The following ZFYVE28 variants were observed in gnomAD, a reference collection of about 807,000 sequenced individuals.
ZFYVE28 encodes the protein lateral signaling target protein 2 homolog.
ZFYVE28 carries 40 observed loss-of-function variants against 82.1 expected under a neutral mutation model. That is an observed-to-expected ratio of 0.49 (90% CI 0.38 to 0.63). The LOEUF (loss-of-function observed/expected upper bound fraction) is 0.63, where lower values mean the gene tolerates loss of function less well. ZFYVE28 is among the 30% of genes least tolerant of loss of function. The pLI is 0.00. For missense variants in ZFYVE28, 1,321 were observed against 1,242.1 expected (o/e 1.06, Z -0.96); for synonymous variants, 612 against 546.1 (o/e 1.12, Z -1.68).
chr4:2,273,186 T>C lies in ZFYVE28; in HGVS notation c.2310A>G (p.Glu770=), dbSNP rs745615883. 2 of 1,613,670 alleles carry C rather than the reference T, an allele frequency of 1.2e-6. No individual in the cohort carries two copies. The highest frequency in any genetic ancestry group is 1.1e-5 in the South Asian group (1 of 91,052). ...MATKPETDDK[E]KLRKVTQTLR... Reference sequence around the variant, plus strand: ...GTGGGCACTCACCCTTCCTTAACTTTTCCTTGTCGTCTGTTTCAGGCTTGG... The same window carrying C: ...GTGGGCACTCACCCTTCCTTAACTTCTCCTTGTCGTCTGTTTCAGGCTTGG... The change falls in exon 10 of 13, where the codon GAA becomes GAG. Residue 770 remains glutamate, a synonymous_variant. Transcript: ENST00000290974.
intron 8 of ZFYVE28, among the ~76,000 whole-genome samples, chr4:2,301,926 C>T (rs770259880): frequency 5.9e-5 from 9 of 152,310 alleles, no homozygotes; most frequent in Middle Eastern, 6.8e-3. Flanking sequence ...GGCTGTTCAT[C>T]GTGGCACGTC....
At chr4:2,400,567 A>G (rs1731066585) in intron 1 of ZFYVE28, among the ~76,000 whole-genome samples, 1 of 152,142 alleles carries the variant, frequency 6.6e-6, no homozygotes, top group East Asian at 1.9e-4. Context: ...ACATATATAT[A>G]AAGGGGAGTT....
intron 8 of ZFYVE28, among the ~76,000 whole-genome samples, chr4:2,275,909 T>C (rs1736389030): frequency 6.6e-6 from 1 of 152,216 alleles, no homozygotes. Context: ...AGCAATGGAA[T>C]GGAAGACCCA....
chr4:2,403,556 G>A (rs1276573617), intron 1 of ZFYVE28, among the ~76,000 whole-genome samples: 2 of 152,088 alleles, frequency 1.3e-5, no homozygotes, highest in Non-Finnish European at 2.9e-5. Context: ...AGGGCACTCC[G>A]CTCACCAGGG....
In ZFYVE28 at chr4:2,408,906, C is replaced by T. The variant is rs1367717120; in HGVS notation, c.39+9379G>A. On this transcript the variant is annotated intron_variant, in intron 1 of 12. Transcript: ENST00000290974. This position sits in a 1 kb window ranked among gnomAD's most constrained non-coding sequence, Gnocchi z 4.3. Reference sequence around the variant, plus strand: ...AGTTCCCGGCGGTTTCTAAGTGGACCTTCCCATGCACTCAGCTTTAGGTTT... The same window carrying T: ...AGTTCCCGGCGGTTTCTAAGTGGACTTTCCCATGCACTCAGCTTTAGGTTT... Among the ~76,000 whole-genome samples, 1 of 152,236 alleles carries T rather than the reference C, an allele frequency of 6.6e-6. No individual in the cohort carries two copies. Among genetic ancestry groups the T allele is most frequent in the African/African-American group, 2.4e-5 (1 of 41,454 alleles).
At chr4:2,355,002 T>C (rs1271308519) in intron 1 of ZFYVE28, among the ~76,000 whole-genome samples, 7 of 150,706 alleles carry the variant, frequency 4.6e-5, no homozygotes, top group Non-Finnish European at 3.0e-5. Context: ...ACGCAGGGGC[T>C]CAGAAGCTGG....
At position 2,278,938 on chromosome 4, in the gene ZFYVE28, C is replaced by T. The variant is rs565163957; in HGVS notation, c.2052-4722G>A. Among the ~76,000 whole-genome samples, 5 of 148,226 alleles carry T rather than the reference C, an allele frequency of 3.4e-5. No homozygotes were observed. The East Asian group carries it at 6.0e-4, about 18-fold the overall frequency. On this transcript the variant is annotated intron_variant, in intron 8 of 12. Transcript: ENST00000290974. ...AGGACGATTAGAATGTTCCCCCCCCCCTCAAAAAAAAAAAACCCAGAAAAT... is the reference window on the plus strand; with the variant it reads ...AGGACGATTAGAATGTTCCCCCCCCTCTCAAAAAAAAAAAACCCAGAAAAT...
In ZFYVE28 at chr4:2,409,576, G is replaced by A. The variant is rs1347012716; in HGVS notation, c.39+8709C>T. On this transcript the variant is annotated intron_variant, in intron 1 of 12. Coordinates refer to ENST00000290974, the MANE Select transcript of ZFYVE28 (RefSeq NM_020972.3). This position sits in a 1 kb window ranked among gnomAD's most constrained non-coding sequence, Gnocchi z 4.4. The stretch of plus-strand genomic sequence containing the variant: ...CTCGCCCCCACTCCGCTGGCTGCTC[G>A]CTGTCCCTCCGATCCCTGGCTCAGG... Among the ~76,000 whole-genome samples, 4 of 152,186 alleles carry A rather than the reference G, an allele frequency of 2.6e-5. No individual in the cohort carries two copies. The highest frequency in any genetic ancestry group is 1.9e-4 in the East Asian group (1 of 5,196).
At chr4:2,292,972 G>A (rs1298954948) in intron 8 of ZFYVE28, among the ~76,000 whole-genome samples, 1 of 152,176 alleles carries the variant, frequency 6.6e-6, no homozygotes, top group African/African-American at 2.4e-5. Flanking sequence ...AGGACTGCAA[G>A]GCTGGCCGAA....
Position 2,354,077 on chromosome 4 carries a change from C to A in ZFYVE28, c.40-4G>T, listed in dbSNP as rs1578219029. ...CAAGCAGCTGCGGATCCGACCTCTG[C>A]AGGAGAGAGGGGCCAGGGCCATGAG... On this transcript the variant is annotated splice_polypyrimidine_tract_variant and splice_region_variant and intron_variant, in intron 1 of 12. Transcript: ENST00000290974. 2 of 1,540,658 alleles carry A rather than the reference C, an allele frequency of 1.3e-6. No individual in the cohort carries two copies. Among genetic ancestry groups the A allele is most frequent in the South Asian group, 2.5e-5 (2 of 79,718 alleles).
intron 7 of ZFYVE28, among the ~76,000 whole-genome samples, chr4:2,313,353 T>G (rs1717759138): frequency 6.6e-6 from 1 of 152,088 alleles, no homozygotes; most frequent in Non-Finnish European, 1.5e-5. Context: ...TTCTGCCTCC[T>G]GGGCTCAAGC....
intron 8 of ZFYVE28, among the ~76,000 whole-genome samples, chr4:2,289,815 C>G (rs566765977): frequency 6.6e-6 from 1 of 151,988 alleles, no homozygotes; most frequent in Non-Finnish European, 1.5e-5. Context: ...ACTTGGGGCT[C>G]AGGAGGTCCC....
intron 6 of ZFYVE28, among the ~76,000 whole-genome samples, chr4:2,321,192 A>C (rs1433627985): frequency 2.0e-5 from 3 of 152,002 alleles, no homozygotes; most frequent in Non-Finnish European, 4.4e-5. Flanking sequence ...AGCACAGACA[A>C]GGGCCATGTG....
At position 2,339,695 on chromosome 4, in the gene ZFYVE28, G is replaced by A. The variant is rs1380160488; in HGVS notation, c.319-40C>T. The A allele has an allele frequency of 1.3e-6, 2 of 1,542,416 alleles. No homozygotes were observed. The highest frequency in any genetic ancestry group is 1.4e-5 in the African/African-American group (1 of 73,138). On this transcript the variant is annotated intron_variant, in intron 3 of 12. Transcript: ENST00000290974. This position sits in a 1 kb window ranked among gnomAD's most constrained non-coding sequence, Gnocchi z 5.0. ...ACACTCAGGGAGGGGCCCGGGTGAGGGCCAGGCTCTCAGGGGTCGCCGACC... is the reference window on the plus strand; with the variant it reads ...ACACTCAGGGAGGGGCCCGGGTGAGAGCCAGGCTCTCAGGGGTCGCCGACC...
rs755657560 is a variant in ZFYVE28, at chr4:2,339,597, G to A, written c.377C>T (p.Pro126Leu). Reference protein sequence around the residue: ...NRELESMAMRPLAKELTRSLE... With the variant: ...NRELESMAMRLLAKELTRSLE... ...GCTGCGCGTCAGCTCCTTGGCCAGC[G>A]GGCGCATGGCCATGCTCTCCAGCTC... Residue 126 changes from proline to leucine, a missense_variant, in exon 4 of 13, where the codon CCG becomes CTG. Pro to Leu is a moderately conservative substitution (Grantham distance 98). Around this residue, in one of 2 missense-constraint regions of ZFYVE28, gnomAD observed 343 missense variants for 408.4 expected, o/e 0.84. Transcript: ENST00000290974. This position sits in a 1 kb window ranked among gnomAD's most constrained non-coding sequence, Gnocchi z 5.0. 5.6e-6 allele frequency: 9 copies of A among 1,611,588 alleles called. No individual in the cohort carries two copies. The highest frequency in any genetic ancestry group is 1.1e-5 in the South Asian group (1 of 90,696).
intron 8 of ZFYVE28, among the ~76,000 whole-genome samples, chr4:2,301,878 G>C (rs547454138): frequency 7.5e-4 from 114 of 152,322 alleles, no homozygotes; most frequent in Non-Finnish European, 1.5e-3. Flanking sequence ...CTCAAAAACG[G>C]CCTCACCCAA....
intron 7 of ZFYVE28, among the ~76,000 whole-genome samples, chr4:2,308,188 C>G (rs2108826876): frequency 6.6e-6 from 1 of 152,166 alleles, no homozygotes; most frequent in Non-Finnish European, 1.5e-5. Context: ...GATGTAAACA[C>G]AGCTCACCGT....
rs1416573980 is a variant in ZFYVE28, at chr4:2,332,045, C to T, written c.701+3660G>A. 2.0e-5 allele frequency among the ~76,000 whole-genome samples: 3 copies of T among 152,178 alleles called. No individual in the cohort carries two copies. The highest frequency in any genetic ancestry group is 2.1e-4 in the South Asian group (1 of 4,826). The stretch of plus-strand genomic sequence containing the variant: ...CTCAGAAGGGGACGGGAGCCTGGCC[C>T]GCAGCTCATGCTTGGTAAATGTGGC... On this transcript the variant is annotated intron_variant, in intron 6 of 12. Transcript: ENST00000290974. The surrounding 1 kb of genome is among the most constrained non-coding windows in gnomAD (Gnocchi z 4.7).
At chr4:2,356,698 T>C (rs1336234792) in intron 1 of ZFYVE28, among the ~76,000 whole-genome samples, 1 of 152,126 alleles carries the variant, frequency 6.6e-6, no homozygotes, top group African/African-American at 2.4e-5. Flanking sequence ...CAGGAGACAC[T>C]CTTAACCTTG....
Sources: allele counts gnomAD v4.1 joint callset (sites outside exome capture counted in the v4.1 genomes callset), GRCh38; gene constraint gnomAD v4.1.1; regional missense constraint gnomAD v4.1.1; non-coding constraint Gnocchi (gnomAD v3.1); transcripts MANE v1.5; gene names NCBI Gene and HGNC (gene_info 2026-07-23, HGNC 2026-07-21).